DMXL2: variants seen among roughly 807,000 people sequenced by gnomAD.
DMXL2 encodes the protein dmX-like protein 2.
Under a neutral mutation model 331.1 loss-of-function variants are expected in DMXL2, and 103 were observed. That is an observed-to-expected ratio of 0.31 (90% CI 0.27 to 0.37). The LOEUF (loss-of-function observed/expected upper bound fraction) is 0.37. DMXL2 is among the 10% of genes least tolerant of loss of function. The pLI, the probability that DMXL2 is intolerant of heterozygous loss-of-function variation, is 1.00. For synonymous variants in DMXL2, 1,281 were observed against 1,252.1 expected (o/e 1.02, Z -0.49); for missense variants, 3,171 against 3,642.9 (o/e 0.87, Z 3.33).
At chr15:51,561,876 T>G (rs1172971736) in intron 6 of DMXL2, among the ~76,000 whole-genome samples, 2 of 152,142 alleles carry the variant, frequency 1.3e-5, no homozygotes, top group Admixed American at 6.5e-5. Flanking sequence ...TCCTATAACT[T>G]GTAGTAACAT....
At chr15:51,596,668 A>C (rs2052833408) in intron 1 of DMXL2, among the ~76,000 whole-genome samples, 1 of 152,228 alleles carries the variant, frequency 6.6e-6, no homozygotes, top group South Asian at 2.1e-4. Flanking sequence ...CTTGGAACCA[A>C]CCCAAATGTC....
chr15:51,496,691 T>G (rs2043204228), intron 18 of DMXL2, among the ~76,000 whole-genome samples: 1 of 152,010 alleles, frequency 6.6e-6, no homozygotes. Flanking sequence ...TGGACCAGAG[T>G]AGTAACTGCA....
chr15:51,453,659 C>G lies in DMXL2; in HGVS notation c.8605-18G>C, dbSNP rs376767735. On this transcript the variant is annotated intron_variant, in intron 40 of 43. Coordinates refer to ENST00000560891, the MANE Select transcript of DMXL2 (RefSeq NM_001378457.1). ...TGCCAACTCTACGAAAAACAAAGTG[C>G]AACTGATGTTATTTTACCATTGGAT... 4 of 1,601,860 alleles carry G rather than the reference C, an allele frequency of 2.5e-6. No individual in the cohort carries two copies. Among genetic ancestry groups the G allele is most frequent in the African/African-American group, 1.3e-5 (1 of 74,508 alleles).
rs780234571 is a variant in DMXL2, at chr15:51,564,202, A to G, written c.423T>C (p.Asp141=). 5.6e-6 allele frequency: 9 copies of G among 1,609,138 alleles called. No homozygotes were observed. Among genetic ancestry groups the G allele is most frequent in the Non-Finnish European group, 7.6e-6 (9 of 1,178,004 alleles). The change falls in exon 5 of 44, where the codon GAT becomes GAC. Residue 141 remains aspartate, a synonymous_variant. Coordinates refer to ENST00000560891, the MANE Select transcript of DMXL2 (RefSeq NM_001378457.1). ...SIQLWAPPGD[D]ILEEEEEIDN... The stretch of plus-strand genomic sequence containing the variant: ...CAATTTCTTCCTCCTCTTCCAGAAT[A>G]TCATCTCCTGGAGGAGCCCACAACT...
chr15:51,612,569 T>C (rs1232957016), intron 1 of DMXL2, among the ~76,000 whole-genome samples: 1 of 152,174 alleles, frequency 6.6e-6, no homozygotes, highest in Non-Finnish European at 1.5e-5. Context: ...CAAGTTTTTA[T>C]TAGTGATTTT....
At chr15:51,457,148 C>T (rs7164999) in intron 37 of DMXL2, 180 bp downstream of exon 37, 4 of 640,930 alleles carry the variant, frequency 6.2e-6, no homozygotes, top group South Asian at 4.8e-5. Context: ...CTCCAGCCTG[C>T]GCGACAGAGC....
chr15:51,586,432 G>T (rs934634978), intron 1 of DMXL2, among the ~76,000 whole-genome samples: 2 of 151,976 alleles, frequency 1.3e-5, no homozygotes, highest in Admixed American at 6.6e-5. Flanking sequence ...TTAAGAAAAC[G>T]TTCTAAGCGT....
intron 1 of DMXL2, among the ~76,000 whole-genome samples, chr15:51,595,982 G>C (rs1279366706): frequency 6.6e-6 from 1 of 152,172 alleles, no homozygotes; most frequent in Non-Finnish European, 1.5e-5. Context: ...AGAAAACCTA[G>C]GCAATAACAT....
In DMXL2 at chr15:51,576,037, A is replaced by C; in HGVS notation, c.213+19T>G. On this transcript the variant is annotated intron_variant, in intron 2 of 43. Coordinates refer to ENST00000560891, the MANE Select transcript of DMXL2 (RefSeq NM_001378457.1). ...ACACATTTTTAAATGACATTCAGTA[A>C]AGAAATTAAATCCCTTACTCTTCCT... is the stretch of plus-strand genomic sequence containing the variant. The C allele has an allele frequency of 1.9e-6, 3 of 1,590,250 alleles. No homozygotes were observed. The highest frequency in any genetic ancestry group is 1.7e-6 in the Non-Finnish European group (2 of 1,171,118).
At position 51,567,604 on chromosome 15, in the gene DMXL2, A is replaced by G. The variant is rs560377343; in HGVS notation, c.285+883T>C. ...GCTGGAGGAAAAACATTCCTGACAA[A>G]GAAAACAAACAACACAAAGGCTCAA... On this transcript the variant is annotated intron_variant, in intron 3 of 43. Coordinates refer to ENST00000560891, the MANE Select transcript of DMXL2 (RefSeq NM_001378457.1). 2.0e-5 allele frequency: 3 copies of G among 152,360 alleles called. No individual in the cohort carries two copies. In the South Asian group the frequency reaches 6.2e-4, roughly 32 times the overall value. The allele number at this position is 152,360 out of a possible 1,614,324, so 9.4% of individuals were successfully genotyped here. A position where few individuals can be genotyped will look rare whatever the true frequency, so the allele number is the denominator to read the frequency against.
At chr15:51,468,361 C>T (rs374002824) in intron 29 of DMXL2, among the ~76,000 whole-genome samples, 26 of 152,198 alleles carry the variant, frequency 1.7e-4, no homozygotes, top group African/African-American at 6.0e-4. Context: ...CAAAAAGATT[C>T]GGAGCCAATT....
intron 1 of DMXL2, among the ~76,000 whole-genome samples, chr15:51,578,844 C>T (rs1025155210): frequency 6.6e-6 from 1 of 152,158 alleles, no homozygotes; most frequent in Non-Finnish European, 1.5e-5. Flanking sequence ...GTGGCTCATG[C>T]CTGTAATCCC....
chr15:51,556,643 G>A (rs921432534), intron 6 of DMXL2, among the ~76,000 whole-genome samples: 1 of 151,920 alleles, frequency 6.6e-6, no homozygotes, highest in Non-Finnish European at 1.5e-5. Context: ...ATGGTGATGG[G>A]TGCCTGTAGT....
intron 16 of DMXL2, among the ~76,000 whole-genome samples, chr15:51,506,406 T>C (rs1264757738): frequency 2.6e-5 from 4 of 151,218 alleles, no homozygotes; most frequent in Non-Finnish European, 5.9e-5. Context: ...GTTCTGCTTA[T>C]AAGTCTCAGG....
chr15:51,607,030 TGCCTGTAATCCCA>T (rs1285440973), intron 1 of DMXL2, among the ~76,000 whole-genome samples: 3 of 152,066 alleles, frequency 2.0e-5, no homozygotes, highest in Non-Finnish European at 4.4e-5. Context: ...TGGTGATGGA[TGCCTGTAATCCCA>T]GCTACTCGGG....
At chr15:51,580,918 T>C (rs1456783526) in intron 1 of DMXL2, among the ~76,000 whole-genome samples, 3 of 151,396 alleles carry the variant, frequency 2.0e-5, no homozygotes, top group African/African-American at 4.9e-5. Context: ...CTAAAAGTTT[T>C]CAACCTGAAG....
intron 28 of DMXL2, among the ~76,000 whole-genome samples, chr15:51,472,715 G>T (rs143885606): frequency 6.6e-6 from 1 of 152,208 alleles, no homozygotes; most frequent in Non-Finnish European, 1.5e-5. Flanking sequence ...TCCTTTTATA[G>T]CTGAGTAACA....
intron 13 of DMXL2, among the ~76,000 whole-genome samples, chr15:51,524,169 G>C (rs2047535481): frequency 1.3e-5 from 2 of 152,206 alleles, no homozygotes; most frequent in Admixed American, 1.3e-4. Flanking sequence ...CTAGAAATCA[G>C]TAACAGGACG....
chr15:51,453,385 T>G (rs1238551139), intron 41 of DMXL2, 165 bp downstream of exon 41: 4 of 495,236 alleles, frequency 8.1e-6, no homozygotes, highest in African/African-American at 6.1e-5. Context: ...ATTTTTGCTT[T>G]TCTCTTTTTG....
Sources: gnomAD v4.1 joint callset for allele counts (sites outside exome capture counted in the v4.1 genomes callset) on GRCh38, gnomAD v4.1.1 for gene constraint, MANE v1.5 for transcripts, NCBI Gene and HGNC (gene_info 2026-07-23, HGNC 2026-07-21) for gene names.